Variants in TMEM132C observed in about 807,000 individuals in gnomAD.
The protein encoded by TMEM132C is transmembrane protein 132C.
A neutral mutation model predicts 61.4 loss-of-function variants in TMEM132C; 29 were observed. That is an observed-to-expected ratio of 0.47 (90% confidence interval 0.35 to 0.64). TMEM132C has a LOEUF of 0.64. TMEM132C is among the 30% of genes least tolerant of loss of function. The pLI, the probability that TMEM132C is intolerant of heterozygous loss-of-function variation, is 0.00. For synonymous variants in TMEM132C, 656 were observed against 633.1 expected (o/e 1.04, Z -0.54); for missense variants, 1,408 against 1,476.9 (o/e 0.95, Z 0.76).
At chr12:128,682,174 A>C (rs1021747973) in intron 5 of TMEM132C, among the ~76,000 whole-genome samples, 5 of 152,096 alleles carry the variant, frequency 3.3e-5, no homozygotes, top group Admixed American at 2.6e-4. Flanking sequence ...TTCTGGCTGG[A>C]GGCGGAGCTT....
intron 7 of TMEM132C, among the ~76,000 whole-genome samples, chr12:128,696,467 A>G (rs550404153): frequency 6.3e-4 from 96 of 152,318 alleles, no homozygotes; most frequent in Admixed American, 1.6e-3. Flanking sequence ...CACTTCTACC[A>G]GTGGCCCAGG....
At chr12:128,424,716 A>C (rs894913018) in intron 2 of TMEM132C, among the ~76,000 whole-genome samples, 1 of 152,234 alleles carries the variant, frequency 6.6e-6, no homozygotes, top group African/African-American at 2.4e-5. Context: ...ACAAAGTGAT[A>C]TCCCAAGAGA....
chr12:128,432,509 G>T (rs1869426405), intron 2 of TMEM132C, among the ~76,000 whole-genome samples: 1 of 152,186 alleles, frequency 6.6e-6, no homozygotes, highest in Non-Finnish European at 1.5e-5. Flanking sequence ...GCTTTGAGGG[G>T]TTCAAGAATT....
intron 1 of TMEM132C, among the ~76,000 whole-genome samples, chr12:128,414,141 C>T (rs1009589599): frequency 3.3e-5 from 5 of 152,072 alleles, no homozygotes; most frequent in African/African-American, 1.2e-4. Flanking sequence ...AATCCCAACA[C>T]TTTAGGAGGC....
intron 3 of TMEM132C, among the ~76,000 whole-genome samples, chr12:128,551,125 T>G: frequency 6.6e-6 from 1 of 151,952 alleles, no homozygotes; most frequent in Admixed American, 6.6e-5. Flanking sequence ...GGAAACAACA[T>G]CCTTAATCAG....
At chr12:128,641,455 G>A (rs1440274417) in intron 4 of TMEM132C, among the ~76,000 whole-genome samples, 3 of 152,188 alleles carry the variant, frequency 2.0e-5, no homozygotes, top group African/African-American at 7.2e-5. Context: ...GGATTAGGGT[G>A]ATCTCTAAAT....
chr12:128,325,851 C>T (rs1294892280), intron 1 of TMEM132C, among the ~76,000 whole-genome samples: 1 of 152,118 alleles, frequency 6.6e-6, no homozygotes, highest in African/African-American at 2.4e-5. Context: ...ATTTCAGTGA[C>T]CTGAGGTCAT....
chr12:128,436,068 A>G (rs1485052170), intron 2 of TMEM132C, among the ~76,000 whole-genome samples: 2 of 152,198 alleles, frequency 1.3e-5, no homozygotes, highest in African/African-American at 4.8e-5. Flanking sequence ...CTATTTAATA[A>G]ATGGTGCTGG....
intron 1 of TMEM132C, among the ~76,000 whole-genome samples, chr12:128,310,268 G>A (rs907366350): frequency 6.6e-6 from 1 of 152,196 alleles, no homozygotes; most frequent in African/African-American, 2.4e-5. Context: ...TGAAGCTAGA[G>A]AGTGGATTGG....
intron 2 of TMEM132C, among the ~76,000 whole-genome samples, chr12:128,483,545 C>T (rs1450556117): frequency 2.6e-5 from 4 of 152,040 alleles, no homozygotes; most frequent in African/African-American, 4.8e-5. Context: ...CTCTCTGTGC[C>T]TCAGTATCCC....
At chr12:128,595,014 G>A (rs542598276) in intron 3 of TMEM132C, among the ~76,000 whole-genome samples, 4 of 152,206 alleles carry the variant, frequency 2.6e-5, no homozygotes, top group Non-Finnish European at 5.9e-5. Flanking sequence ...TCACATCCGA[G>A]GAGGGTGAGA....
chr12:128,617,405 G>C (rs1309597535), intron 4 of TMEM132C, among the ~76,000 whole-genome samples: 1 of 152,220 alleles, frequency 6.6e-6, no homozygotes, highest in Non-Finnish European at 1.5e-5. Flanking sequence ...GACAGAGACT[G>C]ATTGGAACTG....
At chr12:128,296,437 G>A (rs1396028355) in intron 1 of TMEM132C, among the ~76,000 whole-genome samples, 1 of 152,304 alleles carries the variant, frequency 6.6e-6, no homozygotes, top group East Asian at 1.9e-4. Context: ...CATGGTCACA[G>A]GAGAGATGAC....
intron 3 of TMEM132C, among the ~76,000 whole-genome samples, chr12:128,576,052 C>A (rs879048740): frequency 6.6e-6 from 1 of 152,148 alleles, no homozygotes; most frequent in Middle Eastern, 3.4e-3. Context: ...GTCAGGAGTT[C>A]GAGACCAGCC....
chr12:128,534,207 T>C (rs1056219867), intron 2 of TMEM132C, among the ~76,000 whole-genome samples: 1 of 152,204 alleles, frequency 6.6e-6, no homozygotes, highest in Non-Finnish European at 1.5e-5. Context: ...GGAAAATATT[T>C]TTTGTTTCGT....
At chr12:128,449,952 A>G (rs896159507) in intron 2 of TMEM132C, among the ~76,000 whole-genome samples, 1 of 152,228 alleles carries the variant, frequency 6.6e-6, no homozygotes, top group African/African-American at 2.4e-5. Flanking sequence ...AAATGTCCAC[A>G]AGACCTATGA....
At chr12:128,650,912 G>A (rs1954261957) in intron 4 of TMEM132C, among the ~76,000 whole-genome samples, 2 of 152,092 alleles carry the variant, frequency 1.3e-5, no homozygotes, top group South Asian at 4.1e-4. Flanking sequence ...GGGCTCCAAC[G>A]AATCAGAACA....
intron 8 of TMEM132C, among the ~76,000 whole-genome samples, chr12:128,702,490 G>A (rs191241513): frequency 5.3e-5 from 8 of 152,070 alleles, no homozygotes; most frequent in Admixed American, 3.3e-4. Context: ...TCACATATCA[G>A]TCTGCTCACC....
chr12:128,441,951 G>A (rs900225031), intron 2 of TMEM132C, among the ~76,000 whole-genome samples: 11 of 152,244 alleles, frequency 7.2e-5, no homozygotes, highest in Admixed American at 1.3e-4. Flanking sequence ...GCACTGAGCC[G>A]GGATCGCACC....
Sources: gnomAD v4.1 joint callset for allele counts (sites outside exome capture counted in the v4.1 genomes callset) on GRCh38, gnomAD v4.1.1 for gene constraint, MANE v1.5 for transcripts, NCBI Gene and HGNC (gene_info 2026-07-23, HGNC 2026-07-21) for gene names.